FGF10: variants seen among roughly 807,000 people sequenced by gnomAD.
FGF10 encodes fibroblast growth factor 10, also known as FGF-10.
Under a neutral mutation model 19.8 loss-of-function variants are expected in FGF10, and 2 were observed. The ratio of observed to expected loss-of-function variants is 0.10; its 90% CI spans 0.04 to 0.32. The LOEUF is 0.32. Ranked by LOEUF, FGF10 falls within the 10% of genes least tolerant of loss-of-function variation. The pLI is 1.00. For missense variants in FGF10, 191 were observed against 246.3 expected (o/e 0.78, Z 1.50); for synonymous variants, 112 against 94.0 (o/e 1.19, Z -1.10).
rs1232625126 is a variant in FGF10, at chr5:44,349,473, A to AATATAT, written c.325+38879_325+38884dup. Among the ~76,000 whole-genome samples the AATATAT allele has an allele frequency of 3.0e-3, 70 of 23,222 alleles. 2 individuals carry two copies. Among genetic ancestry groups the AATATAT allele is most frequent in the Non-Finnish European group, 4.0e-3 (50 of 12,626 alleles). The allele number at this position is 23,222 out of a possible 152,430, so 15.2% of individuals were successfully genotyped here. On this transcript the variant is annotated intron_variant, in intron 1 of 2. Transcript: ENST00000264664. ...ATATATATATATATATATATATCAG[A>AATATAT]ATATATATATATATCAGAATATATA...
At chr5:44,343,375 T>C (rs75960291) in intron 1 of FGF10, among the ~76,000 whole-genome samples, 2,081 of 152,120 alleles carry the variant, frequency 0.014, 87 homozygotes, top group East Asian at 0.12. Context: ...GATCATGCAT[T>C]ACCTGATTGT....
chr5:44,316,858 G>T (rs1170393728), intron 1 of FGF10, among the ~76,000 whole-genome samples: 1 of 152,126 alleles, frequency 6.6e-6, no homozygotes, highest in East Asian at 1.9e-4. Context: ...CATTTTAAAA[G>T]TGTGGAAATG....
At chr5:44,370,538 C>T (rs1389871286) in intron 1 of FGF10, among the ~76,000 whole-genome samples, 1 of 152,052 alleles carries the variant, frequency 6.6e-6, no homozygotes, top group Non-Finnish European at 1.5e-5. Flanking sequence ...CATCATCTCT[C>T]TTCTCAAATT....
At chr5:44,367,868 G>GT (rs1741655426) in intron 1 of FGF10, among the ~76,000 whole-genome samples, 2 of 146,484 alleles carry the variant, frequency 1.4e-5, no homozygotes, top group Non-Finnish European at 3.0e-5. Context: ...AAGTCTATCT[G>GT]TTTTTTAAAT....
chr5:44,305,806 C>T (rs1020989285), intron 2 of FGF10, among the ~76,000 whole-genome samples: 3 of 152,104 alleles, frequency 2.0e-5, no homozygotes, highest in Non-Finnish European at 4.4e-5. Context: ...GGAATTTTGA[C>T]AGATTTTGCT....
At chr5:44,345,392 A>C (rs1741066266) in intron 1 of FGF10, among the ~76,000 whole-genome samples, 1 of 151,718 alleles carries the variant, frequency 6.6e-6, no homozygotes, top group African/African-American at 2.4e-5. Context: ...AATGCATTAC[A>C]ATTTTCCATT....
At position 44,352,650 on chromosome 5, in the gene FGF10, A is replaced by G. The variant is rs184414693; in HGVS notation, c.325+35708T>C. Among the ~76,000 whole-genome samples the G allele has an allele frequency of 2.0e-5, 3 of 151,722 alleles. No homozygotes were observed. In the East Asian group the frequency reaches 5.9e-4, roughly 30 times the overall value. ...CTAAGTTCTATAATTATGTTTACCC[A>G]GGCTTCTTATGCTGAGAAAACATTT... On this transcript the variant is annotated intron_variant, in intron 1 of 2. Coordinates refer to ENST00000264664, the MANE Select transcript of FGF10 (RefSeq NM_004465.2).
chr5:44,318,073 G>A (rs1740391286), intron 1 of FGF10, among the ~76,000 whole-genome samples: 1 of 152,034 alleles, frequency 6.6e-6, no homozygotes, highest in Non-Finnish European at 1.5e-5. Flanking sequence ...CAGCAATCCA[G>A]CAAACAAACA....
intron 1 of FGF10, among the ~76,000 whole-genome samples, chr5:44,349,422 T>TTATATA (rs869035955): frequency 2.7e-4 from 11 of 41,408 alleles, no homozygotes; most frequent in East Asian, 1.7e-3. Flanking sequence ...AGCATTTTCT[T>TTATATA]TATATATATA....
intron 1 of FGF10, among the ~76,000 whole-genome samples, chr5:44,333,212 T>C (rs973303700): frequency 1.2e-4 from 18 of 152,074 alleles, no homozygotes; most frequent in African/African-American, 3.9e-4. Flanking sequence ...ACTCACTACT[T>C]TTGTGTATTT....
chr5:44,340,126 G>A (rs927545874), intron 1 of FGF10, among the ~76,000 whole-genome samples: 2 of 152,076 alleles, frequency 1.3e-5, no homozygotes, highest in East Asian at 3.9e-4. Flanking sequence ...GACAGTTAAG[G>A]AGAAATGGAG....
intron 1 of FGF10, among the ~76,000 whole-genome samples, chr5:44,341,599 C>G (rs1156731880): frequency 4.0e-5 from 6 of 151,864 alleles, no homozygotes; most frequent in Non-Finnish European, 8.8e-5. Flanking sequence ...CATAATAGAC[C>G]AACTTACTGT....
At chr5:44,375,797 C>T (rs1417563800) in intron 1 of FGF10, among the ~76,000 whole-genome samples, 1 of 151,940 alleles carries the variant, frequency 6.6e-6, no homozygotes. Context: ...CCCAGGCAAG[C>T]AAAGATAGAA....
chr5:44,362,377 T>A (rs1392072127), intron 1 of FGF10, among the ~76,000 whole-genome samples: 2 of 151,592 alleles, frequency 1.3e-5, no homozygotes, highest in African/African-American at 4.8e-5. Context: ...TAGGCAGGGT[T>A]AACTCTTCTC....
Position 44,305,207 on chromosome 5 carries a change from C to A in FGF10, c.430-15G>T, listed in dbSNP as rs2290070. 6.2e-7 allele frequency: 1 copy of A among 1,609,048 alleles called. No individual in the cohort carries two copies. The highest frequency in any genetic ancestry group is 8.5e-7 in the Non-Finnish European group (1 of 1,175,736). ...TTAAATTCTTTCTGCAAAGGAAAAA[C>A]AGAATCTTTTATTCCTATGGTGATT... On this transcript the variant is annotated splice_polypyrimidine_tract_variant and intron_variant, in intron 2 of 2. Coordinates refer to ENST00000264664, the MANE Select transcript of FGF10 (RefSeq NM_004465.2).
rs1481124490 is a variant in FGF10 at position 44,338,137 on chromosome 5, GC to G, written c.326-27608del. Among the ~76,000 whole-genome samples, 3 of 152,078 alleles carry G rather than the reference GC, an allele frequency of 2.0e-5. No individual in the cohort carries two copies. In the East Asian group the frequency reaches 5.8e-4, roughly 29 times the overall value. ...AGTTGAGGAATTGCTAATAATGTAA[GC>G]TTTAAATTTGATATTTTATGCTCAC... On this transcript the variant is annotated intron_variant, in intron 1 of 2. Coordinates refer to ENST00000264664, the MANE Select transcript of FGF10 (RefSeq NM_004465.2).
In FGF10 at chr5:44,316,015, G is replaced by A. The variant is rs17228039; in HGVS notation, c.326-5485C>T. Among the ~76,000 whole-genome samples, 629 of 152,274 alleles carry A rather than the reference G, an allele frequency of 4.1e-3. 4 individuals are homozygous for A. Among genetic ancestry groups the A allele is most frequent in the African/African-American group, 0.014 (600 of 41,556 alleles). ...AGGCAAGCCATAGGCAAGCGAGAGCGAGGTTTCAACTGTATTTAGCCACTC... is the reference window on the plus strand; with the variant it reads ...AGGCAAGCCATAGGCAAGCGAGAGCAAGGTTTCAACTGTATTTAGCCACTC... On this transcript the variant is annotated intron_variant, in intron 1 of 2. Transcript: ENST00000264664.
chr5:44,318,272 G>A (rs1042235547), intron 1 of FGF10, among the ~76,000 whole-genome samples: 1 of 152,164 alleles, frequency 6.6e-6, no homozygotes, highest in African/African-American at 2.4e-5. Flanking sequence ...TGGTAACAAA[G>A]CCATGAGCAA....
At position 44,388,745 on chromosome 5, in the gene FGF10, C is replaced by T. The variant is rs919539418; in HGVS notation, c.-63G>A. 9 of 1,564,838 alleles carry T rather than the reference C, an allele frequency of 5.8e-6. No individual in the cohort carries two copies. Among genetic ancestry groups the T allele is most frequent in the African/African-American group, 5.4e-5 (4 of 73,956 alleles). ...GAAGGAACATACTGGAAGGGTAAGA[C>T]CCGATGCAAGGCAAGGAGAGAGCTC... is the stretch of plus-strand genomic sequence containing the variant. On this transcript the variant is annotated 5_prime_UTR_variant, in exon 1 of 3. Transcript: ENST00000264664.
Sources: gnomAD v4.1 joint callset for allele counts (sites outside exome capture counted in the v4.1 genomes callset) on GRCh38, gnomAD v4.1.1 for gene constraint, MANE v1.5 for transcripts, NCBI Gene and HGNC (gene_info 2026-07-23, HGNC 2026-07-21) for gene names.